BCO2: variants seen among roughly 807,000 people sequenced by gnomAD.
BCO2 encodes the protein carotenoid-cleaving dioxygenase, mitochondrial.
Under a neutral mutation model 65.8 loss-of-function variants are expected in BCO2, and 56 were observed. That is an observed-to-expected ratio of 0.85 (90% CI 0.69 to 1.06). The LOEUF (loss-of-function observed/expected upper bound fraction) is 1.06. Ranked by LOEUF, BCO2 falls within the 50% of genes least tolerant of loss-of-function variation. BCO2 has a pLI of 0.00. For synonymous variants in BCO2, 233 were observed against 242.3 expected (o/e 0.96, Z 0.36); for missense variants, 675 against 698.5 (o/e 0.97, Z 0.38).
At chr11:112,179,518 T>C (rs745962157) in intron 2 of BCO2, 36 bp downstream of exon 2, 2 of 1,567,724 alleles carry the variant, frequency 1.3e-6, no homozygotes, top group Admixed American at 3.3e-5. Context: ...TTGGATTTCT[T>C]GGCATGGGCT....
intron 8 of BCO2, among the ~76,000 whole-genome samples, chr11:112,206,392 G>A (rs984894670): frequency 1.7e-4 from 26 of 151,910 alleles, no homozygotes; most frequent in Non-Finnish European, 3.7e-4. Context: ...CTTCCCAGAC[G>A]GGGCGGCGGC....
Position 112,214,844 on chromosome 11 carries a change from G to A in BCO2, c.1415G>A (p.Arg472Gln), listed in dbSNP as rs146534695. 2.3e-5 allele frequency: 37 copies of A among 1,614,028 alleles called. No individual in the cohort carries two copies. Among genetic ancestry groups the A allele is most frequent in the African/African-American group, 5.3e-5 (4 of 75,046 alleles). Residue 472 changes from arginine (R) to glutamine (Q), a missense_variant, in exon 10 of 12, where the codon CGA becomes CAA. Arg to Gln is a conservative substitution (Grantham distance 43, BLOSUM62 1). Transcript: ENST00000357685. ...GAATTTCCTCAGATCTACTATGATC[G>A]ATTCAGTGGCAAAAAGTATCATTTC... ...GIEFPQIYYD[R>Q]FSGKKYHFFY...
At chr11:112,179,572 T>A in intron 2 of BCO2, 90 bp downstream of exon 2, 1 of 1,163,952 alleles carries the variant, frequency 8.6e-7, no homozygotes, top group Non-Finnish European at 1.3e-6. Flanking sequence ...TCTGTGAGGT[T>A]AATATTTCCA....
intron 2 of BCO2, among the ~76,000 whole-genome samples, chr11:112,188,872 A>T (rs1195445084): frequency 6.6e-6 from 1 of 152,130 alleles, no homozygotes; most frequent in African/African-American, 2.4e-5. Flanking sequence ...GGACTCAAGA[A>T]GATGTTGACT....
chr11:112,214,832 T>C lies in BCO2; in HGVS notation c.1403T>C (p.Ile468Thr), dbSNP rs1859613265. 1 of 1,614,010 alleles carries C rather than the reference T, an allele frequency of 6.2e-7. No individual in the cohort carries two copies. Among genetic ancestry groups the C allele is most frequent in the Non-Finnish European group, 8.5e-7 (1 of 1,179,872 alleles). Residue 468 changes from isoleucine (I) to threonine (T), a missense_variant, in exon 10 of 12, where the codon ATC becomes ACC. By Grantham distance (89) the Ile-to-Thr change is moderately conservative. Coordinates refer to ENST00000357685, the MANE Select transcript of BCO2 (RefSeq NM_031938.7). ...EKEGGIEFPQ[I>T]YYDRFSGKKY... Reference sequence around the variant, plus strand: ...GAAGGAGGCATTGAATTTCCTCAGATCTACTATGATCGATTCAGTGGCAAA... The same window carrying C: ...GAAGGAGGCATTGAATTTCCTCAGACCTACTATGATCGATTCAGTGGCAAA...
chr11:112,183,348 G>GA (rs772027029), intron 2 of BCO2, among the ~76,000 whole-genome samples: 13 of 152,218 alleles, frequency 8.5e-5, no homozygotes, highest in Non-Finnish European at 1.9e-4. Context: ...GTGCATAATG[G>GA]AAAAAACTGA....
Position 112,196,160 on chromosome 11 carries a change from A to G in BCO2, c.736+1405A>G, listed in dbSNP as rs528684288. Among the ~76,000 whole-genome samples the G allele has an allele frequency of 5.9e-5, 9 of 152,292 alleles. No individual in the cohort carries two copies. In the South Asian group the frequency reaches 1.7e-3, roughly 28 times the overall value. The stretch of plus-strand genomic sequence containing the variant: ...TTGCAGTTAGAACAGCTCATTAACT[A>G]ATGTGTTTAAATTCCGTGAATTGAG... On this transcript the variant is annotated intron_variant, in intron 5 of 11. Coordinates refer to ENST00000357685, the MANE Select transcript of BCO2 (RefSeq NM_031938.7).
chr11:112,199,693 T>G lies in BCO2; in HGVS notation c.737-6T>G. ...AACAGGTAAGATAGGACTTTTCATT[T>G]TTCAGGTTTCTCCTATAAGGTTATT... On this transcript the variant is annotated splice_region_variant and splice_polypyrimidine_tract_variant and intron_variant, in intron 5 of 11. Coordinates refer to ENST00000357685, the MANE Select transcript of BCO2 (RefSeq NM_031938.7). 1 of 1,612,706 alleles carries G rather than the reference T, an allele frequency of 6.2e-7. No individual in the cohort carries two copies. The highest frequency in any genetic ancestry group is 8.5e-7 in the Non-Finnish European group (1 of 1,179,176).
intron 2 of BCO2, among the ~76,000 whole-genome samples, chr11:112,186,689 T>A (rs1004417435): frequency 2.0e-5 from 3 of 152,196 alleles, no homozygotes; most frequent in Non-Finnish European, 4.4e-5. Context: ...GAAGACATAC[T>A]AGTTTTTAAA....
intron 10 of BCO2, chr11:112,215,290 C>T (rs562489521): frequency 3.2e-6 from 1 of 311,364 alleles, no homozygotes; most frequent in South Asian, 3.2e-5. Context: ...CAAAGACTCC[C>T]TCTCTTTCTC....
intron 8 of BCO2, among the ~76,000 whole-genome samples, chr11:112,207,779 G>A (rs186159362): frequency 2.6e-5 from 4 of 152,184 alleles, no homozygotes; most frequent in African/African-American, 9.6e-5. Context: ...CTTCCAGTAC[G>A]TGAACACAAT....
At chr11:112,203,360 G>T (rs2135383527) in intron 8 of BCO2, among the ~76,000 whole-genome samples, 1 of 152,270 alleles carries the variant, frequency 6.6e-6, no homozygotes. Flanking sequence ...GACATCTGTG[G>T]TTGTTTATCT....
At chr11:112,196,516 GT>G (rs2135374136) in intron 5 of BCO2, among the ~76,000 whole-genome samples, 1 of 152,208 alleles carries the variant, frequency 6.6e-6, no homozygotes, top group Non-Finnish European at 1.5e-5. Flanking sequence ...AATCCAGTTG[GT>G]TTTTAATACT....
chr11:112,191,193 T>A (rs1867377334), intron 2 of BCO2, among the ~76,000 whole-genome samples: 1 of 151,752 alleles, frequency 6.6e-6, no homozygotes, highest in South Asian at 2.1e-4. Flanking sequence ...TAAAATTATC[T>A]CTTTATGCAA....
At chr11:112,204,850 A>T (rs1470025105) in intron 8 of BCO2, among the ~76,000 whole-genome samples, 1 of 152,032 alleles carries the variant, frequency 6.6e-6, no homozygotes, top group East Asian at 1.9e-4. Flanking sequence ...TTTTTAGTAG[A>T]GATGGGGTTT....
intron 2 of BCO2, chr11:112,182,786 G>A (rs1159316698): frequency 3.3e-6 from 2 of 613,136 alleles, no homozygotes; most frequent in Non-Finnish European, 5.7e-6. Context: ...ACACCAACAT[G>A]GCACATGTGT....
intron 2 of BCO2, chr11:112,181,111 C>CA: frequency 3.4e-6 from 5 of 1,470,888 alleles, no homozygotes; most frequent in Non-Finnish European, 9.5e-7. Context: ...AAGAACCTGA[C>CA]AGTATGCTGG....
chr11:112,179,453 A>T lies in BCO2; in HGVS notation c.264A>T (p.Gly88=). The change falls in exon 2 of 12, where the codon GGA becomes GGT. Residue 88 remains glycine, a synonymous_variant. Coordinates refer to ENST00000357685, the MANE Select transcript of BCO2 (RefSeq NM_031938.7). The part of the protein sequence containing the change: ...KWLNGSLLRI[G]PGKFEFGKDK... ...TCAATGGCTCTCTACTTCGAATTGG[A>T]CCTGGGAAATTCGAGTTTGGGAAGG... 5.0e-6 allele frequency: 8 copies of T among 1,614,052 alleles called. No homozygotes were observed. The highest frequency in any genetic ancestry group is 6.8e-6 in the Non-Finnish European group (8 of 1,180,012).
Position 112,175,606 on chromosome 11 carries a change from T to C in BCO2, c.5T>C (p.Phe2Ser). ...CTGGATCTGCTCAATACAAAAATGT[T>C]TTTTCGAGTCTTTCTCCATTTTATC... M[F>S]FRVFLHFIRS... The change falls in exon 1 of 12, where the codon TTT (phenylalanine) becomes TCT (serine). Residue 2 changes from phenylalanine (F) to serine (S), a missense_variant. Coordinates refer to ENST00000357685, the MANE Select transcript of BCO2 (RefSeq NM_031938.7). 2 of 1,613,176 alleles carry C rather than the reference T, an allele frequency of 1.2e-6. No individual in the cohort carries two copies. Among genetic ancestry groups the C allele is most frequent in the Non-Finnish European group, 1.7e-6 (2 of 1,179,116 alleles).
Sources: allele counts gnomAD v4.1 joint callset (sites outside exome capture counted in the v4.1 genomes callset), GRCh38; gene constraint gnomAD v4.1.1; transcripts MANE v1.5; gene names NCBI Gene and HGNC (gene_info 2026-07-23, HGNC 2026-07-21).